The following C10orf67 variants were observed in gnomAD, a reference collection of about 807,000 sequenced individuals.
C10orf67 encodes the protein uncharacterized protein C10orf67, mitochondrial.
In C10orf67, 60 loss-of-function variants were observed where a neutral mutation model predicts 35.6. That is an observed-to-expected ratio of 1.68 (90% CI 1.37 to 2.09). The LOEUF is 2.09. C10orf67 is among the 30% of genes most tolerant of loss of function. C10orf67 has a pLI of 0.00. For missense variants in C10orf67, 474 were observed against 330.2 expected (o/e 1.44, Z -3.38); for synonymous variants, 167 against 115.8 (o/e 1.44, Z -2.84).
chr10:23,294,845 G>C (rs1205668057), intron 5 of C10orf67, among the ~76,000 whole-genome samples: 1 of 151,882 alleles, frequency 6.6e-6, no homozygotes, highest in Non-Finnish European at 1.5e-5. Flanking sequence ...CCACTAGAGG[G>C]GGCAGTTGAA....
Position 23,310,780 on chromosome 10 carries a change from C to T in C10orf67, c.547-7321G>A, listed in dbSNP as rs1844466449. ...CAAAGGAGAAATACTCTCTTTCTCT[C>T]TCCCATTTACAGGTCAGCACTCCAT... On this transcript the variant is annotated intron_variant, in intron 4 of 15. Transcript: ENST00000636213. Among the ~76,000 whole-genome samples, 3 of 152,214 alleles carry T rather than the reference C, an allele frequency of 2.0e-5. No homozygotes were observed. The South Asian group carries it at 6.2e-4, about 31-fold the overall frequency.
chr10:23,230,542 A>C (rs1233150429), intron 13 of C10orf67, among the ~76,000 whole-genome samples: 1 of 152,206 alleles, frequency 6.6e-6, no homozygotes, highest in Non-Finnish European at 1.5e-5. Flanking sequence ...CTGAAAGAAG[A>C]CATTTGCAAT....
At position 23,238,211 on chromosome 10, in the gene C10orf67, G is replaced by A. The variant is rs190859109; in HGVS notation, c.1434+1518C>T. Among the ~76,000 whole-genome samples the A allele has an allele frequency of 1.3e-3, 205 of 152,228 alleles. 1 individual carries two copies. Among genetic ancestry groups the A allele is most frequent in the Non-Finnish European group, 1.8e-3 (124 of 68,028 alleles). On this transcript the variant is annotated intron_variant, in intron 13 of 15. Coordinates refer to ENST00000636213, the MANE Select transcript of C10orf67 (RefSeq NM_001371909.1). ...ATGTGTACTCAACAAATATTTGTAC[G>A]GTGGATGAATGACTAGAGAGAGGGA...
At chr10:23,326,377 T>C (rs1388434684) in intron 2 of C10orf67, among the ~76,000 whole-genome samples, 1 of 152,146 alleles carries the variant, frequency 6.6e-6, no homozygotes, top group East Asian at 1.9e-4. Context: ...TACAGAGCAA[T>C]TGTAAAGTGA....
intron 10 of C10orf67, among the ~76,000 whole-genome samples, chr10:23,251,971 A>G (rs1314373751): frequency 6.6e-6 from 1 of 152,168 alleles, no homozygotes; most frequent in Non-Finnish European, 1.5e-5. Flanking sequence ...TTATACATAT[A>G]ATTTGCAATT....
intron 1 of C10orf67, among the ~76,000 whole-genome samples, chr10:23,334,143 A>G (rs944609124): frequency 2.0e-5 from 3 of 152,204 alleles, no homozygotes; most frequent in African/African-American, 7.2e-5. Flanking sequence ...TAATTTTTTA[A>G]GACTACAGAG....
At chr10:23,233,720 C>A (rs1009799420) in intron 13 of C10orf67, among the ~76,000 whole-genome samples, 2 of 152,090 alleles carry the variant, frequency 1.3e-5, no homozygotes, top group African/African-American at 4.8e-5. Context: ...AGGGCTGAGA[C>A]GAAGTTCAGG....
At chr10:23,215,546 C>T (rs1841409305) in intron 15 of C10orf67, among the ~76,000 whole-genome samples, 1 of 152,090 alleles carries the variant, frequency 6.6e-6, no homozygotes. Flanking sequence ...CCTGCCTCTG[C>T]CTCCCAAAGT....
chr10:23,249,114 G>A (rs1459008331), intron 12 of C10orf67, among the ~76,000 whole-genome samples: 1 of 36,344 alleles, frequency 2.8e-5, no homozygotes, highest in Non-Finnish European at 4.8e-5. Flanking sequence ...TGGGCAACAA[G>A]AGCAAAAACT....
At chr10:23,320,015 G>T (rs1421131245) in intron 4 of C10orf67, among the ~76,000 whole-genome samples, 1 of 152,128 alleles carries the variant, frequency 6.6e-6, no homozygotes, top group Non-Finnish European at 1.5e-5. Context: ...ATCAGCAGCT[G>T]GTTGTTAATT....
intron 10 of C10orf67, among the ~76,000 whole-genome samples, chr10:23,265,592 T>C (rs774298581): frequency 2.0e-5 from 3 of 152,232 alleles, no homozygotes; most frequent in Non-Finnish European, 4.4e-5. Context: ...AATACAACTA[T>C]CTTTATAGCT....
intron 15 of C10orf67, among the ~76,000 whole-genome samples, chr10:23,210,816 C>A (rs1841287546): frequency 6.6e-6 from 1 of 152,164 alleles, no homozygotes; most frequent in Admixed American, 6.5e-5. Flanking sequence ...CATTTGATTC[C>A]TTAATGCTAG....
chr10:23,225,666 C>T lies in C10orf67; in HGVS notation c.1435-1848G>A, dbSNP rs758012726. On this transcript the variant is annotated intron_variant, in intron 13 of 15. Transcript: ENST00000636213. Reference sequence around the variant, plus strand: ...CACACATAGGCTCAAAATAAAGGGACGGAGGAAGATCTACCAAGCAAATGG... The same window carrying T: ...CACACATAGGCTCAAAATAAAGGGATGGAGGAAGATCTACCAAGCAAATGG... 1.7e-4 allele frequency among the ~76,000 whole-genome samples: 26 copies of T among 151,856 alleles called. 1 individual carries two copies. Among genetic ancestry groups the T allele is most frequent in the Admixed American group, 4.6e-4 (7 of 15,220 alleles).
intron 8 of C10orf67, among the ~76,000 whole-genome samples, chr10:23,267,460 A>G (rs945993170): frequency 6.6e-6 from 1 of 152,240 alleles, no homozygotes; most frequent in Non-Finnish European, 1.5e-5. Flanking sequence ...GAACAGGAAT[A>G]TATAACATTG....
intron 1 of C10orf67, among the ~76,000 whole-genome samples, chr10:23,342,757 C>A (rs143883527): frequency 5.9e-5 from 9 of 152,230 alleles, no homozygotes; most frequent in Non-Finnish European, 1.3e-4. Context: ...TTTTAACAAA[C>A]GTACCCATTG....
At chr10:23,244,535 A>G (rs1178980033) in intron 12 of C10orf67, among the ~76,000 whole-genome samples, 2 of 152,162 alleles carry the variant, frequency 1.3e-5, no homozygotes, top group Non-Finnish European at 2.9e-5. Flanking sequence ...ACATACAAAA[A>G]TCAATTGTGT....
intron 8 of C10orf67, among the ~76,000 whole-genome samples, chr10:23,270,382 A>T (rs1197316254): frequency 6.6e-6 from 1 of 152,104 alleles, no homozygotes; most frequent in Non-Finnish European, 1.5e-5. Flanking sequence ...GGATCAGGAG[A>T]TCCCCTCATG....
chr10:23,309,404 A>G (rs1844412298), intron 4 of C10orf67, among the ~76,000 whole-genome samples: 1 of 152,202 alleles, frequency 6.6e-6, no homozygotes. Flanking sequence ...AAAAGGTGGC[A>G]GGGAGACTAG....
intron 7 of C10orf67, among the ~76,000 whole-genome samples, chr10:23,283,687 C>T (rs1028649726): frequency 2.0e-5 from 3 of 152,110 alleles, no homozygotes; most frequent in Non-Finnish European, 4.4e-5. Flanking sequence ...GGTGCTTTTG[C>T]GTGGTACTTA....
Sources: gnomAD v4.1 joint callset for allele counts (sites outside exome capture counted in the v4.1 genomes callset) on GRCh38, gnomAD v4.1.1 for gene constraint, MANE v1.5 for transcripts, NCBI Gene and HGNC (gene_info 2026-07-23, HGNC 2026-07-21) for gene names.